The following ZNF610 variants were observed in gnomAD, a reference collection of about 807,000 sequenced individuals.
ZNF610 encodes zinc finger protein 610.
Under a neutral mutation model 14.1 loss-of-function variants are expected in ZNF610, and 14 were observed. The observed-to-expected ratio is 0.99, with a 90% CI of 0.65 to 1.55. The LOEUF is 1.55. Ranked by LOEUF, ZNF610 falls within the 40% of genes most tolerant of loss-of-function variation. ZNF610 has a pLI of 0.00. For synonymous variants in ZNF610, 185 were observed against 187.6 expected (o/e 0.99, Z 0.11); for missense variants, 530 against 558.0 (o/e 0.95, Z 0.51).
At chr19:52,341,342 G>A (rs750133719) in intron 1 of ZNF610, among the ~76,000 whole-genome samples, 8 of 151,748 alleles carry the variant, frequency 5.3e-5, no homozygotes, top group South Asian at 4.2e-4. Context: ...ACAGAGTCTC[G>A]CTTTGTCATC....
intron 1 of ZNF610, 101 bp downstream of exon 1, chr19:52,336,607 G>C (rs891844206): frequency 1.3e-5 from 2 of 154,984 alleles, no homozygotes; most frequent in Non-Finnish European, 2.9e-5. Flanking sequence ...GTGGATTCCC[G>C]CCCGGGGAGC....
At chr19:52,358,949 T>A (rs144408906) in intron 5 of ZNF610, among the ~76,000 whole-genome samples, 3 of 152,236 alleles carry the variant, frequency 2.0e-5, no homozygotes, top group Admixed American at 2.0e-4. Context: ...TGAACATCAT[T>A]TGACCAAATA....
Position 52,347,786 on chromosome 19 carries a change from G to C in ZNF610, c.-178G>C, listed in dbSNP as rs1054874972. The C allele has an allele frequency of 6.6e-6, 1 of 152,130 alleles. No homozygotes were observed. The highest frequency in any genetic ancestry group is 2.4e-5 in the African/African-American group (1 of 41,418). 9.4% of individuals were successfully genotyped at this position (152,130 alleles called of 1,614,324 possible). ...AGTCTGCCTGCCTCGTTCTCCAAAC[G>C]TGCTGGGATTACAGGCATGAGCCAC... On this transcript the variant is annotated 5_prime_UTR_variant, in exon 2 of 6. Transcript: ENST00000403906.
At chr19:52,332,559 G>A (rs548178318), upstream of ZNF610, among the ~76,000 whole-genome samples, 10 of 152,214 alleles carry the variant, frequency 6.6e-5, no homozygotes, top group South Asian at 8.3e-4. This position sits in a 1 kb window ranked among gnomAD's most constrained non-coding sequence, Gnocchi z 4.1. Context: ...AGGAGAAGGA[G>A]GATAAAAATT....
At chr19:52,334,936 A>AACAAACACACACACACACAC (rs1555800373), upstream of ZNF610, among the ~76,000 whole-genome samples, 1 of 41,536 alleles carries the variant, frequency 2.4e-5, no homozygotes, top group African/African-American at 9.8e-5. Flanking sequence ...CTCAAAAACA[A>AACAAACACACACACACACAC]ACACACACAC....
chr19:52,342,434 TCAG>T (rs1984728775), intron 1 of ZNF610, among the ~76,000 whole-genome samples: 1 of 152,132 alleles, frequency 6.6e-6, no homozygotes, highest in African/African-American at 2.4e-5. Context: ...TCTTTCCCTG[TCAG>T]CAGCAATTTG....
intron 5 of ZNF610, among the ~76,000 whole-genome samples, chr19:52,358,396 A>G (rs145072943): frequency 6.6e-6 from 1 of 152,122 alleles, no homozygotes; most frequent in Non-Finnish European, 1.5e-5. Context: ...GTTCACCAGG[A>G]TGGTCTCGAT....
rs771507201 is a variant in ZNF610, at chr19:52,366,339, T to A, written c.961T>A (p.Cys321Ser). 1 of 1,613,954 alleles carries A rather than the reference T, an allele frequency of 6.2e-7. No homozygotes were observed. Among genetic ancestry groups the A allele is most frequent in the Non-Finnish European group, 8.5e-7 (1 of 1,179,986 alleles). ...AGAGAAACCTTACAAATGTAATGAG[T>A]GTGGCAAGAACTTCAGGCACAAATT... The part of the protein sequence containing the change: ...TGEKPYKCNE[C>S]GKNFRHKFSL... Residue 321 changes from cysteine (C) to serine (S), a missense_variant, in exon 6 of 6, where the codon TGT (cysteine) becomes AGT (serine). Coordinates refer to ENST00000403906, the MANE Select transcript of ZNF610 (RefSeq NM_001161425.2).
chr19:52,340,670 AATTATTATTATT>A (rs34182877), intron 1 of ZNF610, among the ~76,000 whole-genome samples: 1 of 146,104 alleles, frequency 6.8e-6, no homozygotes, highest in East Asian at 2.0e-4. Context: ...TTGTCTAGGA[AATTATTATTATT>A]ATTATTATTA....
Position 52,354,479 on chromosome 19 carries a change from C to G in ZNF610, c.319+100C>G, listed in dbSNP as rs1252792329. The G allele has an allele frequency of 2.3e-6, 3 of 1,317,204 alleles. No homozygotes were observed. In the Admixed American group the frequency reaches 7.8e-5, roughly 34 times the overall value. 81.6% of individuals were successfully genotyped at this position (1,317,204 alleles called of 1,614,324 possible). On this transcript the variant is annotated intron_variant, in intron 5 of 5. Coordinates refer to ENST00000403906, the MANE Select transcript of ZNF610 (RefSeq NM_001161425.2). Reference sequence around the variant, plus strand: ...ACCCAGGCTGTAGTGCAGTGGCAATCATAGCTCACTGCAGCCTCAAACTCC... The same window carrying G: ...ACCCAGGCTGTAGTGCAGTGGCAATGATAGCTCACTGCAGCCTCAAACTCC...
At chr19:52,343,052 A>G (rs925003103) in intron 1 of ZNF610, among the ~76,000 whole-genome samples, 2 of 151,686 alleles carry the variant, frequency 1.3e-5, no homozygotes, top group African/African-American at 4.8e-5. Flanking sequence ...TGTTCTGGAC[A>G]TCTCTGCTGG....
At chr19:52,346,569 G>A (rs911654334) in intron 1 of ZNF610, among the ~76,000 whole-genome samples, 1 of 151,774 alleles carries the variant, frequency 6.6e-6, no homozygotes, top group African/African-American at 2.4e-5. Flanking sequence ...AAGTTCTGGG[G>A]TTACAGGCGT....
Position 52,366,460 on chromosome 19 carries a change from G to C in ZNF610, c.1082G>C (p.Arg361Pro). ...KVFSLLSYLA[R>P]HQIIHSTEKP... Reference sequence around the variant, plus strand: ...TTTAGTCTGCTTTCATACCTTGCACGGCATCAAATAATTCATAGTACAGAG... The same window carrying C: ...TTTAGTCTGCTTTCATACCTTGCACCGCATCAAATAATTCATAGTACAGAG... Residue 361 changes from arginine to proline, a missense_variant, in exon 6 of 6, where the codon CGG becomes CCG. Physicochemically the swap from Arg to Pro is moderately radical, Grantham distance 103. Coordinates refer to ENST00000403906, the MANE Select transcript of ZNF610 (RefSeq NM_001161425.2). The C allele has an allele frequency of 1.2e-6, 2 of 1,614,056 alleles. No homozygotes were observed. The highest frequency in any genetic ancestry group is 1.7e-6 in the Non-Finnish European group (2 of 1,180,028).
At chr19:52,364,254 AT>A (rs1240267589) in intron 5 of ZNF610, among the ~76,000 whole-genome samples, 2 of 152,236 alleles carry the variant, frequency 1.3e-5, no homozygotes, top group Non-Finnish European at 2.9e-5. Context: ...CAAATTACAA[AT>A]GAAAAGTACA....
chr19:52,345,881 T>G (rs1314101435), intron 1 of ZNF610, among the ~76,000 whole-genome samples: 1 of 151,668 alleles, frequency 6.6e-6, no homozygotes, highest in Non-Finnish European at 1.5e-5. Context: ...ATTTTTTGTA[T>G]TTTTAGTAGA....
At chr19:52,341,159 T>C (rs1984674105) in intron 1 of ZNF610, among the ~76,000 whole-genome samples, 1 of 152,160 alleles carries the variant, frequency 6.6e-6, no homozygotes, top group African/African-American at 2.4e-5. Flanking sequence ...CTATTTAAGA[T>C]CACAGTACAC....
upstream of ZNF610, among the ~76,000 whole-genome samples, chr19:52,333,785 C>T (rs1316935692): frequency 2.0e-5 from 3 of 152,188 alleles, no homozygotes; most frequent in African/African-American, 7.2e-5. Context: ...CTGTGCCCTT[C>T]TCAGAAAGTG....
chr19:52,346,720 TA>T (rs1277275408), intron 1 of ZNF610, among the ~76,000 whole-genome samples: 1 of 152,226 alleles, frequency 6.6e-6, no homozygotes, highest in African/African-American at 2.4e-5. Flanking sequence ...CTCGTTTTCC[TA>T]ATCAGCTGAT....
At chr19:52,362,891 T>C (rs1364536934) in intron 5 of ZNF610, among the ~76,000 whole-genome samples, 1 of 152,204 alleles carries the variant, frequency 6.6e-6, no homozygotes, top group Admixed American at 6.5e-5. Context: ...TTAGGTGATG[T>C]GTTGTGTATA....
Sources: allele counts gnomAD v4.1 joint callset (sites outside exome capture counted in the v4.1 genomes callset), GRCh38; gene constraint gnomAD v4.1.1; non-coding constraint Gnocchi (gnomAD v3.1); transcripts MANE v1.5; gene names NCBI Gene and HGNC (gene_info 2026-07-23, HGNC 2026-07-21).